The following ASTN1 variants were observed in gnomAD, a reference collection of about 807,000 sequenced individuals.
ASTN1 encodes the protein astrotactin 1.
In ASTN1, 41 loss-of-function variants were observed where a neutral mutation model predicts 140.7. That is an observed-to-expected ratio of 0.29 (90% confidence interval 0.23 to 0.38). The LOEUF is 0.38. Among genes scored for constraint, ASTN1 ranks in the 10% least tolerant of loss-of-function variants. The pLI is 1.00. For missense variants in ASTN1, 1,479 were observed against 1,678.8 expected, an observed-to-expected ratio of 0.88 and a Z score of 2.08; for synonymous variants, 640 against 652.2, an observed-to-expected ratio of 0.98 and a Z score of 0.29.
rs115755331 is a variant in ASTN1, at chr1:176,948,626, A to G, written c.2054+559T>C. On this transcript the variant is annotated intron_variant, in intron 12 of 22. Coordinates refer to ENST00000361833, the MANE Select transcript of ASTN1 (RefSeq NM_004319.3). ...CACAGAGTGATCCTGAGAAGAGATGAACTGAGGTGGGTGGGAGAGCCTGCC... is the reference window on the plus strand; with the variant it reads ...CACAGAGTGATCCTGAGAAGAGATGGACTGAGGTGGGTGGGAGAGCCTGCC... Among the ~76,000 whole-genome samples, 878 of 152,216 alleles carry G rather than the reference A, an allele frequency of 5.8e-3. 4 individuals are homozygous for G. Among genetic ancestry groups the G allele is most frequent in the African/African-American group, 0.02 (838 of 41,540 alleles).
chr1:177,125,305 T>G (rs1052634921), intron 1 of ASTN1, among the ~76,000 whole-genome samples: 1 of 152,120 alleles, frequency 6.6e-6, no homozygotes, highest in African/African-American at 2.4e-5. Flanking sequence ...AAAGCTAGAG[T>G]TCAGAATGAG....
At chr1:177,119,873 A>G (rs1419974695) in intron 1 of ASTN1, among the ~76,000 whole-genome samples, 1 of 152,134 alleles carries the variant, frequency 6.6e-6, no homozygotes, top group Non-Finnish European at 1.5e-5. Context: ...CCAGATGGCT[A>G]TCAACCAGCA....
At chr1:177,035,262 C>G (rs1336228867) in intron 2 of ASTN1, among the ~76,000 whole-genome samples, 1 of 152,194 alleles carries the variant, frequency 6.6e-6, no homozygotes, top group Non-Finnish European at 1.5e-5. Context: ...TAAGCACTAG[C>G]CTGCAGTCAC....
chr1:177,001,706 T>G (rs909740483), intron 8 of ASTN1, among the ~76,000 whole-genome samples: 1 of 152,144 alleles, frequency 6.6e-6, no homozygotes, highest in African/African-American at 2.4e-5. Context: ...GTGTATGCAA[T>G]CTCTTGAATA....
intron 1 of ASTN1, among the ~76,000 whole-genome samples, chr1:177,154,116 G>T (rs1683148743): frequency 6.6e-6 from 1 of 152,072 alleles, no homozygotes; most frequent in African/African-American, 2.4e-5. Context: ...AAGTCCTTGA[G>T]GAAATATGTA....
At chr1:176,897,274 C>CAAAAA (rs56828059) in intron 16 of ASTN1, among the ~76,000 whole-genome samples, 872 of 44,100 alleles carry the variant, frequency 0.02, 55 homozygotes, top group African/African-American at 0.084. Flanking sequence ...GACTCCGTCT[C>CAAAAA]AAAAAAAAAA....
At chr1:177,116,869 C>G (rs952145781) in intron 1 of ASTN1, among the ~76,000 whole-genome samples, 2 of 152,114 alleles carry the variant, frequency 1.3e-5, no homozygotes, top group Non-Finnish European at 2.9e-5. Context: ...AAGCTTTCCC[C>G]AGATTCTGTC....
rs370619647 is a variant in ASTN1 at position 177,029,647 on chromosome 1, C to T, written c.1107G>A (p.Arg369=). The T allele has an allele frequency of 9.2e-5, 148 of 1,613,680 alleles. No homozygotes were observed. The highest frequency in any genetic ancestry group is 1.2e-4 in the Non-Finnish European group (145 of 1,179,902). Residue 369 remains arginine, a synonymous_variant, in exon 5 of 23, where the codon AGG becomes AGA. Coordinates refer to ENST00000361833, the MANE Select transcript of ASTN1 (RefSeq NM_004319.3). The part of the protein sequence containing the change: ...LTFYTDPSRS[R]RRSRVGSPRS... ...TATCATTCCTACCTCTACTACGCCT[C>T]CTGCTCCTTGAAGGATCCGTGTAAA...
At chr1:177,086,911 G>A (rs1191731637) in intron 1 of ASTN1, among the ~76,000 whole-genome samples, 1 of 152,138 alleles carries the variant, frequency 6.6e-6, no homozygotes, top group African/African-American at 2.4e-5. Flanking sequence ...TAACTAATAT[G>A]CATACTTTGG....
chr1:177,160,194 G>T (rs529258766), intron 1 of ASTN1, among the ~76,000 whole-genome samples: 1 of 152,122 alleles, frequency 6.6e-6, no homozygotes, highest in Non-Finnish European at 1.5e-5. Context: ...ACCTGAGTTC[G>T]AATGATGGAT....
chr1:177,130,144 C>T (rs1681874546), intron 1 of ASTN1, among the ~76,000 whole-genome samples: 1 of 152,128 alleles, frequency 6.6e-6, no homozygotes, highest in African/African-American at 2.4e-5. Context: ...ACTCATCTAC[C>T]TTTGCAAATA....
At chr1:176,891,083 C>T (rs1669243001) in intron 17 of ASTN1, among the ~76,000 whole-genome samples, 1 of 151,912 alleles carries the variant, frequency 6.6e-6, no homozygotes, top group African/African-American at 2.4e-5. Context: ...GAATCCTGGG[C>T]TGCAGGTAAC....
chr1:177,032,900 C>A (rs779615351), intron 2 of ASTN1, 51 bp from the exon 3 acceptor site: 1 of 1,502,722 alleles, frequency 6.7e-7, no homozygotes, highest in Non-Finnish European at 8.9e-7. Context: ...AGGCTCTTCC[C>A]ACAAAGAGTC....
chr1:176,926,673 A>G (rs1258434539), intron 16 of ASTN1, among the ~76,000 whole-genome samples: 1 of 152,200 alleles, frequency 6.6e-6, no homozygotes, highest in Non-Finnish European at 1.5e-5. Context: ...TTGCTTTTCT[A>G]CTTGAGTGCT....
At chr1:177,032,938 C>T in intron 2 of ASTN1, 89 bp from the exon 3 acceptor site, 2 of 1,391,496 alleles carry the variant, frequency 1.4e-6, no homozygotes, top group Non-Finnish European at 1.9e-6. Context: ...CACCATTCAT[C>T]ACTTATTTAT....
chr1:177,043,452 C>T (rs78542773), intron 2 of ASTN1, among the ~76,000 whole-genome samples: 4 of 152,286 alleles, frequency 2.6e-5, no homozygotes, highest in East Asian at 1.9e-4. Flanking sequence ...AAGATGACAA[C>T]GGCCATTCCC....
At chr1:177,136,670 C>A (rs1028117821) in intron 1 of ASTN1, among the ~76,000 whole-genome samples, 1 of 152,090 alleles carries the variant, frequency 6.6e-6, no homozygotes, top group East Asian at 1.9e-4. Context: ...TTAGTCAGAC[C>A]TTTCTATCCA....
chr1:176,908,919 G>A (rs921106636), intron 16 of ASTN1, among the ~76,000 whole-genome samples: 4 of 152,222 alleles, frequency 2.6e-5, no homozygotes, highest in Non-Finnish European at 5.9e-5. Context: ...TAAATTTGTA[G>A]GCTTCACGTC....
rs1251351395 is a variant in ASTN1, at chr1:176,872,207, T to TA, written c.3464-3181_3464-3180insT. 2.9e-3 allele frequency among the ~76,000 whole-genome samples: 441 copies of TA among 151,174 alleles called. 2 individuals are homozygous for TA. The highest frequency in any genetic ancestry group is 9.8e-3 in the African/African-American group (404 of 41,022). On this transcript the variant is annotated intron_variant, in intron 21 of 22. Transcript: ENST00000361833. ...TAAATGTCAAACCTTTTTTTTTTTT[T>TA]TAAAAAAAAGCACAATGTTTGGACA...
Sources: gnomAD v4.1 joint callset for allele counts (sites outside exome capture counted in the v4.1 genomes callset) on GRCh38, gnomAD v4.1.1 for gene constraint, MANE v1.5 for transcripts, NCBI Gene and HGNC (gene_info 2026-07-23, HGNC 2026-07-21) for gene names.